Variants in LRRC69 observed in about 807,000 individuals in gnomAD.
LRRC69 encodes leucine-rich repeat-containing protein 69.
LRRC69 carries 42 observed loss-of-function variants against 37.8 expected under a neutral mutation model. The observed-to-expected ratio is 1.11, with a 90% CI of 0.87 to 1.44. The LOEUF (loss-of-function observed/expected upper bound fraction) is 1.44. Among genes scored for constraint, LRRC69 ranks in the 40% most tolerant of loss-of-function variants. The probability of loss-of-function intolerance (pLI) is 0.00; values close to 1 mark genes in which losing one functional copy is unlikely to be tolerated. For missense variants in LRRC69, 357 were observed against 401.9 expected, an observed-to-expected ratio of 0.89 and a Z score of 0.96; for synonymous variants, 141 against 143.1, an observed-to-expected ratio of 0.99 and a Z score of 0.11.
intron 5 of LRRC69, among the ~76,000 whole-genome samples, chr8:91,166,909 C>T (rs1168570611): frequency 2.4e-4 from 37 of 152,000 alleles, no homozygotes; most frequent in Non-Finnish European, 2.9e-5. Flanking sequence ...TTTTCAGACA[C>T]AGAGCTGGTT....
In LRRC69 at chr8:91,213,492, A is replaced by C. The variant is rs138288615; in HGVS notation, c.934-5398A>C. ...ATAAATTATATTTAGTCATTCCATAAATTTTTGAGGGCCTGCTTTAAGCAG... is the reference window on the plus strand; with the variant it reads ...ATAAATTATATTTAGTCATTCCATACATTTTTGAGGGCCTGCTTTAAGCAG... On this transcript the variant is annotated intron_variant, in intron 7 of 7. Coordinates refer to ENST00000448384, the Ensembl canonical transcript of LRRC69. 3.9e-5 allele frequency among the ~76,000 whole-genome samples: 6 copies of C among 152,242 alleles called. No homozygotes were observed. In the East Asian group the frequency reaches 7.7e-4, roughly 20 times the overall value.
At chr8:91,202,908 C>T (rs1042156958) in intron 7 of LRRC69, among the ~76,000 whole-genome samples, 1 of 152,132 alleles carries the variant, frequency 6.6e-6, no homozygotes, top group African/African-American at 2.4e-5. Context: ...ATGATGATCG[C>T]AGTGGCAATG....
chr8:91,103,801 C>T (rs1180707374), intron 1 of LRRC69, among the ~76,000 whole-genome samples: 1 of 151,960 alleles, frequency 6.6e-6, no homozygotes, highest in Non-Finnish European at 1.5e-5. Context: ...AGTTACAAGA[C>T]AACAAGGACT....
chr8:91,150,626 T>C (rs1472764813), intron 5 of LRRC69, among the ~76,000 whole-genome samples: 2 of 152,054 alleles, frequency 1.3e-5, no homozygotes, highest in Non-Finnish European at 1.5e-5. Context: ...GATTCTCTCT[T>C]TTTCTACTGA....
chr8:91,108,044 A>C (rs561894803), intron 1 of LRRC69, among the ~76,000 whole-genome samples: 19 of 152,204 alleles, frequency 1.2e-4, no homozygotes, highest in African/African-American at 4.6e-4. Flanking sequence ...AATTGTGTGC[A>C]GCATTGTTGA....
At chr8:91,211,330 C>T (rs560678590) in intron 7 of LRRC69, among the ~76,000 whole-genome samples, 4 of 151,564 alleles carry the variant, frequency 2.6e-5, no homozygotes, top group Admixed American at 6.6e-5. Context: ...TAAGTGTATA[C>T]AGCTTGTTAA....
chr8:91,199,417 C>T (rs1021438949), intron 6 of LRRC69, among the ~76,000 whole-genome samples: 3 of 152,050 alleles, frequency 2.0e-5, no homozygotes, highest in African/African-American at 7.3e-5. Context: ...AGGCAGCTTT[C>T]TCGGGTGCTT....
At chr8:91,196,301 G>T (rs1809599096) in intron 6 of LRRC69, among the ~76,000 whole-genome samples, 1 of 151,630 alleles carries the variant, frequency 6.6e-6, no homozygotes, top group South Asian at 2.1e-4. Context: ...TTCAAGTTTG[G>T]TGAATCTGAC....
intron 5 of LRRC69, among the ~76,000 whole-genome samples, chr8:91,165,824 T>C (rs776673350): frequency 1.4e-4 from 21 of 151,868 alleles, no homozygotes; most frequent in African/African-American, 5.1e-4. Flanking sequence ...TGACGTTTTA[T>C]GATTCCTGCA....
chr8:91,197,833 T>A (rs1010813672), intron 6 of LRRC69, among the ~76,000 whole-genome samples: 2 of 152,018 alleles, frequency 1.3e-5, no homozygotes, highest in Non-Finnish European at 2.9e-5. Flanking sequence ...AGCTGTAGAC[T>A]GGAGCTGTTC....
At chr8:91,187,542 G>T (rs1188898290) in intron 5 of LRRC69, among the ~76,000 whole-genome samples, 1 of 152,122 alleles carries the variant, frequency 6.6e-6, no homozygotes, top group African/African-American at 2.4e-5. Flanking sequence ...TACAGACAGG[G>T]GCCACCACTA....
chr8:91,109,485 A>C (rs775664626), intron 1 of LRRC69, among the ~76,000 whole-genome samples: 15 of 152,164 alleles, frequency 9.9e-5, no homozygotes, highest in Non-Finnish European at 1.9e-4. Context: ...AAGATTTTAC[A>C]TTTTAATTGA....
At chr8:91,150,230 A>T (rs1335612333) in intron 5 of LRRC69, among the ~76,000 whole-genome samples, 1 of 151,952 alleles carries the variant, frequency 6.6e-6, no homozygotes, top group Non-Finnish European at 1.5e-5. Flanking sequence ...TTTGTCATAG[A>T]TAGCTCTTAT....
intron 1 of LRRC69, among the ~76,000 whole-genome samples, chr8:91,106,924 T>C (rs1343736472): frequency 6.6e-6 from 1 of 151,552 alleles, no homozygotes; most frequent in Non-Finnish European, 1.5e-5. Context: ...TCCCAAGTAG[T>C]TGGGGCTACA....
intron 6 of LRRC69, among the ~76,000 whole-genome samples, chr8:91,198,180 A>G (rs1248251600): frequency 6.6e-6 from 1 of 152,194 alleles, no homozygotes; most frequent in South Asian, 2.1e-4. Flanking sequence ...ATATTATAGA[A>G]AAATATTAGC....
intron 6 of LRRC69, among the ~76,000 whole-genome samples, chr8:91,193,422 T>C (rs1179183889): frequency 4.2e-5 from 6 of 141,878 alleles, no homozygotes; most frequent in Non-Finnish European, 9.2e-5. Context: ...GCATTGAATC[T>C]GTAAATTACC....
chr8:91,117,755 A>G (rs1298930738), intron 1 of LRRC69, among the ~76,000 whole-genome samples: 9 of 151,756 alleles, frequency 5.9e-5, no homozygotes, highest in Admixed American at 5.3e-4. Context: ...ATGCCATGTT[A>G]GGCTGCATAA....
intron 5 of LRRC69, among the ~76,000 whole-genome samples, chr8:91,183,795 A>G (rs1023865691): frequency 3.3e-5 from 5 of 152,278 alleles, no homozygotes; most frequent in Admixed American, 3.3e-4. Flanking sequence ...TGATGAATTT[A>G]TGGTGATTCT....
intron 6 of LRRC69, among the ~76,000 whole-genome samples, 199 bp downstream of exon 6, chr8:91,189,822 A>C (rs2130610368): frequency 6.6e-6 from 1 of 152,300 alleles, no homozygotes; most frequent in South Asian, 2.1e-4. Context: ...TGATTCCCAG[A>C]GTGACTTAAT....
Sources: gnomAD v4.1 joint callset for allele counts (sites outside exome capture counted in the v4.1 genomes callset) on GRCh38, gnomAD v4.1.1 for gene constraint, MANE v1.5 for transcripts, NCBI Gene and HGNC (gene_info 2026-07-23, HGNC 2026-07-21) for gene names.